The following LRP2 variants were observed in gnomAD, a reference collection of about 807,000 sequenced individuals.
The protein encoded by LRP2 is LDL receptor related protein 2.
Under a neutral mutation model 531.0 loss-of-function variants are expected in LRP2, and 172 were observed. The observed-to-expected ratio is 0.32, with a 90% CI of 0.29 to 0.37. The LOEUF is 0.37. Among genes scored for constraint, LRP2 ranks in the 10% least tolerant of loss-of-function variants. The pLI is 1.00. For missense variants in LRP2, 5,167 were observed against 5,868.3 expected (o/e 0.88, Z 3.90); for synonymous variants, 1,992 against 2,027.6 (o/e 0.98, Z 0.47).
At chr2:169,340,007 A>C (rs906970855) in intron 1 of LRP2, among the ~76,000 whole-genome samples, 38 of 152,184 alleles carry the variant, frequency 2.5e-4, no homozygotes, top group Non-Finnish European at 1.6e-4. Flanking sequence ...CAAAGGTTAA[A>C]AGTGACCCTA....
At position 169,321,991 on chromosome 2, in the gene LRP2, C is replaced by A. The variant is rs150603701; in HGVS notation, c.80-1107G>T. The stretch of plus-strand genomic sequence containing the variant: ...ACATAGAAAAATTTTTCAAAGAAAG[C>A]AGCCACTACCAGCCCCACTTAGAGA... On this transcript the variant is annotated intron_variant, in intron 1 of 78. Coordinates refer to ENST00000649046, the MANE Select transcript of LRP2 (RefSeq NM_004525.3). Among the ~76,000 whole-genome samples, 402 of 152,286 alleles carry A rather than the reference C, an allele frequency of 2.6e-3. 3 individuals carry two copies. The highest frequency in any genetic ancestry group is 0.02 in the Middle Eastern group (6 of 294).
chr2:169,280,952 G>T (rs550151869), intron 10 of LRP2, among the ~76,000 whole-genome samples: 1 of 152,224 alleles, frequency 6.6e-6, no homozygotes, highest in South Asian at 2.1e-4. Context: ...TGGTAATGGT[G>T]GTTCCAAATC....
At chr2:169,147,799 G>A (rs543975469) in intron 68 of LRP2, among the ~76,000 whole-genome samples, 1 of 152,320 alleles carries the variant, frequency 6.6e-6, no homozygotes, top group African/African-American at 2.4e-5. Context: ...ATCAAGTGAT[G>A]CGGAGAGCAA....
chr2:169,357,097 T>C (rs1210495348), intron 1 of LRP2, among the ~76,000 whole-genome samples: 3 of 152,082 alleles, frequency 2.0e-5, no homozygotes, highest in Non-Finnish European at 4.4e-5. Context: ...TAGGATACGA[T>C]AGAACCATTT....
At chr2:169,327,053 C>T (rs1180939126) in intron 1 of LRP2, among the ~76,000 whole-genome samples, 12 of 149,428 alleles carry the variant, frequency 8.0e-5, no homozygotes, top group African/African-American at 2.2e-4. Flanking sequence ...GGAGCGTCTC[C>T]GCCCGGCAGC....
At chr2:169,292,484 T>G (rs1035805291) in intron 6 of LRP2, 115 bp from the exon 7 acceptor site, 4 of 770,436 alleles carry the variant, frequency 5.2e-6, no homozygotes, top group Admixed American at 1.9e-5. Context: ...TATATCAATT[T>G]AATCCCTTAG....
chr2:169,254,643 TA>T (rs528767921), intron 19 of LRP2, among the ~76,000 whole-genome samples: 1,907 of 73,260 alleles, frequency 0.026, 340 homozygotes, highest in African/African-American at 0.11. Context: ...TAGAGTATAA[TA>T]AAAAAAAAAA....
At position 169,188,285 on chromosome 2, in the gene LRP2, A is replaced by AC. The variant is rs769600122; in HGVS notation, c.9033-21dup. On this transcript the variant is annotated intron_variant, in intron 48 of 78. Transcript: ENST00000649046. ...TCACACCTGTATCATGAGATCCAGT[A>AC]CCACTTTCAGAGAGGTTGGCAATAA... The AC allele has an allele frequency of 1.2e-6, 2 of 1,613,314 alleles. No homozygotes were observed. Among genetic ancestry groups the AC allele is most frequent in the South Asian group, 2.2e-5 (2 of 91,038 alleles).
Position 169,174,032 on chromosome 2 carries a change from G to A in LRP2, c.10901C>T (p.Thr3634Ile), listed in dbSNP as rs1487521908. The stretch of plus-strand genomic sequence containing the variant: ...ACACCGAAACTGGCCCGGCCGGCAG[G>A]TCCTGCTGGCACAGTGGGAACTGTC... ...DEDSSHCASR[T>I]CRPGQFRCAN... The change falls in exon 56 of 79, where the codon ACC becomes ATC. Residue 3634 changes from threonine to isoleucine, a missense_variant. By Grantham distance (89) the Thr-to-Ile change is moderately conservative (BLOSUM62 -1). Coordinates refer to ENST00000649046, the MANE Select transcript of LRP2 (RefSeq NM_004525.3). The A allele has an allele frequency of 3.7e-6, 6 of 1,614,238 alleles. No homozygotes were observed. The highest frequency in any genetic ancestry group is 5.1e-6 in the Non-Finnish European group (6 of 1,180,048).
At chr2:169,150,212 G>A (rs572369537) in intron 68 of LRP2, among the ~76,000 whole-genome samples, 1 of 152,280 alleles carries the variant, frequency 6.6e-6, no homozygotes, top group East Asian at 1.9e-4. Flanking sequence ...ATCTACAGAG[G>A]GCTAGACTGG....
intron 28 of LRP2, among the ~76,000 whole-genome samples, chr2:169,236,781 C>A (rs116202304): frequency 0.013 from 1,966 of 152,158 alleles, 22 homozygotes; most frequent in Middle Eastern, 0.068. Context: ...CAAACTGGCC[C>A]CTCTATGGAC....
At chr2:169,226,948 A>T (rs760520602) in intron 31 of LRP2, among the ~76,000 whole-genome samples, 1 of 152,026 alleles carries the variant, frequency 6.6e-6, no homozygotes, top group Non-Finnish European at 1.5e-5. Context: ...ACTCACACTG[A>T]TCTCAGGGAA....
intron 16 of LRP2, among the ~76,000 whole-genome samples, chr2:169,264,074 C>T (rs1454724335): frequency 1.3e-5 from 2 of 151,996 alleles, no homozygotes; most frequent in Non-Finnish European, 1.5e-5. Flanking sequence ...GGAAGGGGAA[C>T]ATCACACTCT....
At position 169,128,696 on chromosome 2, in the gene LRP2, G is replaced by A. The variant is rs150373759; in HGVS notation, c.13935C>T (p.Thr4645=). The change falls in exon 79 of 79, where the codon ACC becomes ACT. Residue 4645 remains threonine, a synonymous_variant. Coordinates refer to ENST00000649046, the MANE Select transcript of LRP2 (RefSeq NM_004525.3). ...YSATEDTFKD[T]ANLVKEDSEV ...CAGAGTCTTCTTTAACAAGATTTGCGGTGTCTTTAAAAGTGTCTTCTGTTG... is the reference window on the plus strand; with the variant it reads ...CAGAGTCTTCTTTAACAAGATTTGCAGTGTCTTTAAAAGTGTCTTCTGTTG... The A allele has an allele frequency of 2.9e-4, 472 of 1,613,998 alleles. No homozygotes were observed. In the African/African-American group the frequency reaches 4.9e-3, roughly 17 times the overall value.
chr2:169,321,475 A>G (rs1310084475), intron 1 of LRP2, among the ~76,000 whole-genome samples: 1 of 151,436 alleles, frequency 6.6e-6, no homozygotes, highest in Non-Finnish European at 1.5e-5. Flanking sequence ...AAAAAAAAAA[A>G]GCGTAAAAAA....
chr2:169,267,943 A>T (rs1574201196), intron 16 of LRP2, among the ~76,000 whole-genome samples: 1 of 152,216 alleles, frequency 6.6e-6, no homozygotes, highest in African/African-American at 2.4e-5. Flanking sequence ...CATCCCAAAG[A>T]AATACAAACT....
chr2:169,282,670 G>A lies in LRP2; in HGVS notation c.1171+203C>T, dbSNP rs831009. 0.76 allele frequency among the ~76,000 whole-genome samples: 116,039 copies of A among 152,124 alleles called. 44,365 individuals are homozygous for A. The highest frequency in any genetic ancestry group is 0.89 in the East Asian group (4,627 of 5,178). On this transcript the variant is annotated intron_variant, in intron 10 of 78. Coordinates refer to ENST00000649046, the MANE Select transcript of LRP2 (RefSeq NM_004525.3). ...AAAATATTAATAATGGTCACCATTA[G>A]TCGACAAATTGGTCCTTAATAATCA... is the stretch of plus-strand genomic sequence containing the variant.
chr2:169,220,401 C>A, intron 34 of LRP2, 53 bp downstream of exon 34: 1 of 1,305,132 alleles, frequency 7.7e-7, no homozygotes, highest in Non-Finnish European at 1.1e-6. Context: ...CAGACCCTGA[C>A]ATTAACAAGA....
chr2:169,239,845 C>A lies in LRP2; in HGVS notation c.4046-70G>T. 2.2e-6 allele frequency: 3 copies of A among 1,369,716 alleles called. No individual in the cohort carries two copies. In the Admixed American group the frequency reaches 5.2e-5, roughly 24 times the overall value. 84.8% of individuals were successfully genotyped at this position (1,369,716 alleles called of 1,614,324 possible). ...TTTGCTTCTTTGATTCACTCTTATGCAATATTTATTATGCAGTCTCATGCC... is the reference window on the plus strand; with the variant it reads ...TTTGCTTCTTTGATTCACTCTTATGAAATATTTATTATGCAGTCTCATGCC... On this transcript the variant is annotated intron_variant, in intron 25 of 78. Coordinates refer to ENST00000649046, the MANE Select transcript of LRP2 (RefSeq NM_004525.3).
Sources: gnomAD v4.1 joint callset for allele counts (sites outside exome capture counted in the v4.1 genomes callset) on GRCh38, gnomAD v4.1.1 for gene constraint, MANE v1.5 for transcripts, NCBI Gene and HGNC (gene_info 2026-07-23, HGNC 2026-07-21) for gene names.